The following CYFIP2 variants were observed in gnomAD, a reference collection of about 807,000 sequenced individuals.
The protein encoded by CYFIP2 is cytoplasmic FMR1-interacting protein 2.
CYFIP2 carries 29 observed loss-of-function variants against 158.7 expected under a neutral mutation model. The ratio of observed to expected loss-of-function variants is 0.18; its 90% confidence interval spans 0.14 to 0.25. The LOEUF is 0.25. Among genes scored for constraint, CYFIP2 ranks in the 10% least tolerant of loss-of-function variants. CYFIP2 has a pLI of 1.00. For synonymous variants in CYFIP2, 585 were observed against 617.6 expected (o/e 0.95, Z 0.78); for missense variants, 852 against 1,639.5 (o/e 0.52, Z 8.29).
intron 1 of CYFIP2, among the ~76,000 whole-genome samples, chr5:157,282,853 A>G (rs1484237654): frequency 6.6e-6 from 1 of 152,222 alleles, no homozygotes; most frequent in Non-Finnish European, 1.5e-5. Flanking sequence ...TCCTTATTGA[A>G]AATGAGATAG....
rs566888383 is a variant in CYFIP2 at position 157,366,443 on chromosome 5, C to T, written c.3039+4845C>T. The stretch of plus-strand genomic sequence containing the variant: ...TTAGAAAACCTTTCCTACTCTAACG[C>T]GTGAAGATGGGCTATCCTCTGAAAG... On this transcript the variant is annotated intron_variant, in intron 26 of 30. Coordinates refer to ENST00000620254, the MANE Select transcript of CYFIP2 (RefSeq NM_001037333.3). 5.3e-5 allele frequency among the ~76,000 whole-genome samples: 8 copies of T among 152,264 alleles called. No individual in the cohort carries two copies. In the South Asian group the frequency reaches 6.2e-4, roughly 12 times the overall value.
At chr5:157,358,398 C>T (rs1369150370) in intron 23 of CYFIP2, among the ~76,000 whole-genome samples, 2 of 152,178 alleles carry the variant, frequency 1.3e-5, no homozygotes, top group African/African-American at 2.4e-5. Context: ...GATTGCTGCT[C>T]TTAAAGTTGG....
At position 157,307,653 on chromosome 5, in the gene CYFIP2, G is replaced by GTGTGTA. The variant is rs1451376666; in HGVS notation, c.796-105_796-104insGTATGT. On this transcript the variant is annotated intron_variant, in intron 8 of 30. Transcript: ENST00000620254. ...CTCTACAGGGTGTGTGTGTGTGTGT[G>GTGTGTA]TGTATGTGTGTGTGTGTGTGTGACA... The GTGTGTA allele has an allele frequency of 1.8e-4, 112 of 618,882 alleles. No individual in the cohort carries two copies. The African/African-American group carries it at 2.1e-3, about 12-fold the overall frequency. The allele number at this position is 618,882 out of a possible 1,614,324, so 38.3% of individuals were successfully genotyped here.
At position 157,382,348 on chromosome 5, in the gene CYFIP2, G is replaced by A. The variant is rs143251322; in HGVS notation, c.3040-242G>A. Among the ~76,000 whole-genome samples, 427 of 152,246 alleles carry A rather than the reference G, an allele frequency of 2.8e-3. 2 individuals are homozygous for A. The highest frequency in any genetic ancestry group is 0.01 in the African/African-American group (416 of 41,542). ...TATGTACCTGTGACTATTCCACAAG[G>A]TTATGCATTTTCTCGTTTGATCCTC... On this transcript the variant is annotated intron_variant, in intron 26 of 30. Coordinates refer to ENST00000620254, the MANE Select transcript of CYFIP2 (RefSeq NM_001037333.3).
chr5:157,366,686 T>G (rs1231893241), intron 26 of CYFIP2, among the ~76,000 whole-genome samples: 1 of 152,240 alleles, frequency 6.6e-6, no homozygotes, highest in African/African-American at 2.4e-5. Context: ...AGCCTCTTAA[T>G]ATATTTGTTG....
At chr5:157,370,396 T>TA (rs1181954173) in intron 26 of CYFIP2, among the ~76,000 whole-genome samples, 6 of 152,166 alleles carry the variant, frequency 3.9e-5, no homozygotes, top group African/African-American at 1.2e-4. Flanking sequence ...CACTTCCATT[T>TA]AAAAAAATCA....
chr5:157,322,990 C>G, intron 15 of CYFIP2: 1 of 1,536,086 alleles, frequency 6.5e-7, no homozygotes, highest in Non-Finnish European at 8.7e-7. Context: ...TGGTGGCACA[C>G]AGGGCCGAAG....
chr5:157,337,511 A>G, intron 21 of CYFIP2, among the ~76,000 whole-genome samples: 1 of 152,252 alleles, frequency 6.6e-6, no homozygotes, highest in East Asian at 1.9e-4. Context: ...CTCTTTAGCC[A>G]TGTGTGTTTG....
At chr5:157,291,811 T>C (rs903278277) in intron 3 of CYFIP2, among the ~76,000 whole-genome samples, 1 of 152,266 alleles carries the variant, frequency 6.6e-6, no homozygotes, top group Admixed American at 6.5e-5. Flanking sequence ...TAAGATATTA[T>C]GAAATGGTGG....
intron 12 of CYFIP2, among the ~76,000 whole-genome samples, chr5:157,314,694 C>T (rs1338842328): frequency 6.6e-6 from 1 of 152,170 alleles, no homozygotes; most frequent in East Asian, 1.9e-4. Flanking sequence ...CCTGTGTTAT[C>T]TCCCCTCCCA....
intron 13 of CYFIP2, among the ~76,000 whole-genome samples, chr5:157,316,489 A>G (rs1007848521): frequency 2.0e-5 from 3 of 152,236 alleles, no homozygotes; most frequent in Non-Finnish European, 4.4e-5. Context: ...TTCTGGAAAC[A>G]GGTCTGTCTG....
At chr5:157,325,751 C>A in intron 17 of CYFIP2, 113 bp downstream of exon 17, 1 of 1,131,518 alleles carries the variant, frequency 8.8e-7, no homozygotes, top group Non-Finnish European at 1.2e-6. Context: ...GAAATGAGGC[C>A]ATATGTCCCA....
chr5:157,321,035 G>A (rs571969397), intron 15 of CYFIP2, among the ~76,000 whole-genome samples: 2 of 152,346 alleles, frequency 1.3e-5, no homozygotes, highest in East Asian at 3.9e-4. Flanking sequence ...GTGACCTCGG[G>A]CACTTTACAG....
chr5:157,273,148 G>A (rs1040487498), intron 1 of CYFIP2, among the ~76,000 whole-genome samples: 4 of 152,168 alleles, frequency 2.6e-5, no homozygotes, highest in Admixed American at 6.5e-5. Context: ...TTACAGGCAC[G>A]AGCCACTGTG....
intron 2 of CYFIP2, among the ~76,000 whole-genome samples, chr5:157,286,653 T>C (rs976619002): frequency 5.3e-5 from 8 of 151,954 alleles, no homozygotes; most frequent in Non-Finnish European, 1.2e-4. Context: ...CCACAGTAAT[T>C]ATTCTTGTAC....
chr5:157,275,588 T>C (rs1471567071), intron 1 of CYFIP2, among the ~76,000 whole-genome samples: 1 of 152,260 alleles, frequency 6.6e-6, no homozygotes, highest in Non-Finnish European at 1.5e-5. Context: ...CTTCCATTTT[T>C]GTTCAGTTCC....
At chr5:157,285,593 G>A (rs1757309053) in intron 2 of CYFIP2, 115 bp downstream of exon 2, 1 of 854,088 alleles carries the variant, frequency 1.2e-6, no homozygotes, top group Non-Finnish European at 1.8e-6. Flanking sequence ...GAAAGGTTGT[G>A]AGCTGATGGA....
chr5:157,360,888 C>T lies in CYFIP2; in HGVS notation c.2908+516C>T, dbSNP rs185247348. 1.6e-3 allele frequency among the ~76,000 whole-genome samples: 241 copies of T among 152,296 alleles called. No individual in the cohort carries two copies. In the South Asian group the frequency reaches 0.019, roughly 12 times the overall value. On this transcript the variant is annotated intron_variant, in intron 25 of 30. Coordinates refer to ENST00000620254, the MANE Select transcript of CYFIP2 (RefSeq NM_001037333.3). ...AAAAATGGGGACTGTGAATTGGCAT[C>T]TGATGTTTCTTTCCAAAACCAAGAT...
chr5:157,360,223 C>A, intron 24 of CYFIP2, 59 bp from the exon 25 acceptor site: 2 of 1,443,958 alleles, frequency 1.4e-6, no homozygotes, highest in Non-Finnish European at 1.9e-6. Flanking sequence ...CTCAGCATAA[C>A]CTCCATACCC....
Sources: allele counts gnomAD v4.1 joint callset (sites outside exome capture counted in the v4.1 genomes callset), GRCh38; gene constraint gnomAD v4.1.1; transcripts MANE v1.5; gene names NCBI Gene and HGNC (gene_info 2026-07-23, HGNC 2026-07-21).